Variants in CCDC73 observed in about 807,000 individuals in gnomAD.
The protein encoded by CCDC73 is coiled-coil domain containing 73.
CCDC73 carries 95 observed loss-of-function variants against 116.5 expected under a neutral mutation model. The ratio of observed to expected loss-of-function variants is 0.82; its 90% CI spans 0.69 to 0.97. The LOEUF (loss-of-function observed/expected upper bound fraction) is 0.97. Among genes scored for constraint, CCDC73 ranks in the 50% least tolerant of loss-of-function variants. The pLI is 0.00. For missense variants in CCDC73, 1,066 were observed against 1,206.8 expected (o/e 0.88, Z 1.73); for synonymous variants, 398 against 401.3 (o/e 0.99, Z 0.10).
chr11:32,650,083 A>C (rs1393076992), intron 12 of CCDC73, among the ~76,000 whole-genome samples: 1 of 152,168 alleles, frequency 6.6e-6, no homozygotes, highest in Non-Finnish European at 1.5e-5. Context: ...GTCACCATTA[A>C]CTCAGAGAAA....
intron 13 of CCDC73, among the ~76,000 whole-genome samples, chr11:32,639,303 A>G (rs1364686159): frequency 6.6e-6 from 1 of 152,182 alleles, no homozygotes; most frequent in African/African-American, 2.4e-5. Flanking sequence ...ACCTTGCACT[A>G]TTGTGATTAA....
chr11:32,676,072 C>CCA (rs767671870), intron 7 of CCDC73, 51 bp from the exon 8 acceptor site: 5 of 1,395,096 alleles, frequency 3.6e-6, no homozygotes, highest in Non-Finnish European at 4.8e-6. Context: ...ACACACATCG[C>CCA]CACACACAAC....
the CCDC73 span, among the ~76,000 whole-genome samples, chr11:32,819,762 A>C: frequency 6.6e-6 from 1 of 152,134 alleles, no homozygotes; most frequent in Non-Finnish European, 1.5e-5. Context: ...TACATAACCA[A>C]GAGGCTATTT....
the CCDC73 span, among the ~76,000 whole-genome samples, chr11:32,800,715 C>T: frequency 6.6e-6 from 1 of 152,162 alleles, no homozygotes; most frequent in Non-Finnish European, 1.5e-5. Flanking sequence ...TCTTATTCCT[C>T]TCCTCCAAGT....
intron 1 of CCDC73, among the ~76,000 whole-genome samples, chr11:32,789,756 G>C (rs2133405949): frequency 2.0e-5 from 3 of 152,268 alleles, no homozygotes; most frequent in Middle Eastern, 6.8e-3. Context: ...CTGTGTGACA[G>C]AATGAGACCC....
chr11:32,776,997 A>ATATATATATATATATACACATG, intron 1 of CCDC73, among the ~76,000 whole-genome samples: 2 of 74,432 alleles, frequency 2.7e-5, no homozygotes, highest in Admixed American at 1.3e-4. Flanking sequence ...ATGTATATAT[A>ATATATATATATATATACACATG]TATATATATA....
chr11:32,745,407 A>G (rs1410648102), intron 2 of CCDC73, among the ~76,000 whole-genome samples: 2 of 152,132 alleles, frequency 1.3e-5, no homozygotes, highest in African/African-American at 4.8e-5. Flanking sequence ...AGTTCTGTAG[A>G]TATCTATTAG....
At chr11:32,719,444 A>ACAAATTAGTTCAAAGG (rs1196157095) in intron 2 of CCDC73, among the ~76,000 whole-genome samples, 5 of 152,368 alleles carry the variant, frequency 3.3e-5, no homozygotes, top group African/African-American at 1.2e-4. Flanking sequence ...AACAGACCTT[A>ACAAATTAGTTCAAAGG]CAAATTAGTT....
chr11:32,778,188 C>T (rs977978158), intron 1 of CCDC73, among the ~76,000 whole-genome samples: 2 of 152,142 alleles, frequency 1.3e-5, no homozygotes, highest in African/African-American at 4.8e-5. Flanking sequence ...ACACTTAAGA[C>T]CTTGTTAGAA....
chr11:32,828,914 T>C, the CCDC73 span, among the ~76,000 whole-genome samples: 2 of 152,240 alleles, frequency 1.3e-5, no homozygotes, highest in African/African-American at 2.4e-5. Flanking sequence ...GATTTCAAGA[T>C]AATTACTTCA....
intron 6 of CCDC73, among the ~76,000 whole-genome samples, chr11:32,695,589 T>C (rs924819315): frequency 2.7e-4 from 41 of 152,168 alleles, no homozygotes; most frequent in Admixed American, 2.6e-3. Flanking sequence ...TGAAGCAGAA[T>C]TGATTGCCTC....
At chr11:32,777,086 CT>C (rs200224408) in intron 1 of CCDC73, among the ~76,000 whole-genome samples, 2,974 of 134,680 alleles carry the variant, frequency 0.022, 107 homozygotes, top group African/African-American at 0.077. Flanking sequence ...TGTATGTAAT[CT>C]TTTTTTTCTT....
intron 13 of CCDC73, among the ~76,000 whole-genome samples, chr11:32,638,777 G>A (rs756233095): frequency 5.9e-5 from 9 of 151,826 alleles, no homozygotes; most frequent in Non-Finnish European, 1.0e-4. Flanking sequence ...GTGCCCAGCC[G>A]ATTGTTCTAT....
chr11:32,731,247 G>A (rs953757664), intron 2 of CCDC73, among the ~76,000 whole-genome samples: 1 of 152,206 alleles, frequency 6.6e-6, no homozygotes, highest in East Asian at 1.9e-4. Context: ...CCACTGCTGA[G>A]GCTTGAGTAG....
rs1287086205 is a variant in CCDC73, at chr11:32,749,997, A to G, written c.135+10112T>C. On this transcript the variant is annotated intron_variant, in intron 2 of 17. Transcript: ENST00000335185. ...GCCATTCTCCTGCCTCAGCCTCCCA[A>G]GTAGCTGGGATTACAGGCACCGACC... Among the ~76,000 whole-genome samples, 11 of 151,694 alleles carry G rather than the reference A, an allele frequency of 7.3e-5. No individual in the cohort carries two copies. In the East Asian group the frequency reaches 2.1e-3, roughly 30 times the overall value.
chr11:32,671,530 A>G (rs1392312337), intron 9 of CCDC73, among the ~76,000 whole-genome samples: 1 of 152,220 alleles, frequency 6.6e-6, no homozygotes, highest in African/African-American at 2.4e-5. Context: ...GTTTTAAATA[A>G]GTGATATAAC....
chr11:32,651,209 T>C (rs1423803023), intron 12 of CCDC73, among the ~76,000 whole-genome samples: 1 of 152,074 alleles, frequency 6.6e-6, no homozygotes, highest in East Asian at 1.9e-4. Context: ...AATGGGTGAC[T>C]CTCAAGGGAC....
chr11:32,750,329 C>G (rs905524911), intron 2 of CCDC73, among the ~76,000 whole-genome samples: 6 of 152,182 alleles, frequency 3.9e-5, no homozygotes, highest in Non-Finnish European at 8.8e-5. Flanking sequence ...CCAAGGCCTG[C>G]TATAGCCACT....
At chr11:32,793,629 TAGA>T (rs1850696027) in intron 1 of CCDC73, among the ~76,000 whole-genome samples, 1 of 151,636 alleles carries the variant, frequency 6.6e-6, no homozygotes, top group Admixed American at 6.6e-5. Flanking sequence ...TTTATTTTTT[TAGA>T]CAGAGTCTCG....
Sources: allele counts gnomAD v4.1 joint callset (sites outside exome capture counted in the v4.1 genomes callset), GRCh38; gene constraint gnomAD v4.1.1; transcripts MANE v1.5; gene names NCBI Gene and HGNC (gene_info 2026-07-23, HGNC 2026-07-21).